Variants in GNB4 observed in about 807,000 individuals in gnomAD.
GNB4 encodes guanine nucleotide-binding protein subunit beta-4.
A neutral mutation model predicts 45.2 loss-of-function variants in GNB4; 28 were observed. That is an observed-to-expected ratio of 0.62 (90% CI 0.46 to 0.85). GNB4 has a LOEUF of 0.85. Among genes scored for constraint, GNB4 ranks in the 40% least tolerant of loss-of-function variants. The pLI is 0.00. For synonymous variants in GNB4, 132 were observed against 143.7 expected (o/e 0.92, Z 0.58); for missense variants, 321 against 425.4 (o/e 0.75, Z 2.16).
chr3:179,489,708 AC>A, the GNB4 span, among the ~76,000 whole-genome samples: 6 of 152,210 alleles, frequency 3.9e-5, no homozygotes, highest in Admixed American at 3.9e-4. Flanking sequence ...TTTTCCTGAT[AC>A]TAAATTCTAA....
At chr3:179,430,860 T>C (rs1211583451) in intron 1 of GNB4, among the ~76,000 whole-genome samples, 5 of 152,188 alleles carry the variant, frequency 3.3e-5, no homozygotes, top group African/African-American at 1.2e-4. Flanking sequence ...ATTTATAAAA[T>C]GTTCTAACAC....
chr3:179,515,602 T>C, the GNB4 span, among the ~76,000 whole-genome samples: 1 of 152,124 alleles, frequency 6.6e-6, no homozygotes, highest in Non-Finnish European at 1.5e-5. Context: ...TCTACTTCTT[T>C]TGTGATTCTT....
chr3:179,409,371 G>A (rs1714577062), intron 8 of GNB4, among the ~76,000 whole-genome samples: 1 of 151,880 alleles, frequency 6.6e-6, no homozygotes. Flanking sequence ...AATCAGCCGG[G>A]TGTGTTGGCT....
At chr3:179,471,637 T>C in the GNB4 span, among the ~76,000 whole-genome samples, 1 of 152,194 alleles carries the variant, frequency 6.6e-6, no homozygotes, top group Admixed American at 6.5e-5. Flanking sequence ...CAAAATCATC[T>C]AAGGATGCAT....
chr3:179,477,038 T>C, the GNB4 span, among the ~76,000 whole-genome samples: 2 of 152,160 alleles, frequency 1.3e-5, no homozygotes, highest in South Asian at 4.1e-4. Context: ...CTGAAGACAG[T>C]CTGCCCTTCT....
chr3:179,407,054 T>C (rs1280348303), intron 8 of GNB4, among the ~76,000 whole-genome samples: 4 of 152,230 alleles, frequency 2.6e-5, no homozygotes, highest in Admixed American at 6.5e-5. Context: ...GCAACAGTGA[T>C]TGGATTTGCT....
At chr3:179,489,837 T>C in the GNB4 span, among the ~76,000 whole-genome samples, 2 of 152,192 alleles carry the variant, frequency 1.3e-5, no homozygotes, top group African/African-American at 4.8e-5. Flanking sequence ...TTCTATGAAA[T>C]GTAGCTAGGA....
chr3:179,466,440 A>G, the GNB4 span, among the ~76,000 whole-genome samples: 5 of 152,326 alleles, frequency 3.3e-5, no homozygotes, highest in Admixed American at 2.6e-4. Flanking sequence ...TGCTCTAGGC[A>G]GCTTGAGGCA....
chr3:179,485,427 C>T, the GNB4 span, among the ~76,000 whole-genome samples: 5 of 152,172 alleles, frequency 3.3e-5, no homozygotes, highest in Non-Finnish European at 1.5e-5. Context: ...TCAAGACTAG[C>T]CCTGTACTGT....
At chr3:179,454,842 A>G (rs1186695936), upstream of GNB4, among the ~76,000 whole-genome samples, 2 of 151,634 alleles carry the variant, frequency 1.3e-5, no homozygotes, top group African/African-American at 2.4e-5. Flanking sequence ...CCCACAACAA[A>G]ATAAGTTATA....
chr3:179,509,080 G>T, the GNB4 span, among the ~76,000 whole-genome samples: 5 of 151,208 alleles, frequency 3.3e-5, no homozygotes, highest in South Asian at 1.1e-3. Flanking sequence ...TGACAGCACA[G>T]CTTGTGGCCT....
intron 1 of GNB4, among the ~76,000 whole-genome samples, chr3:179,445,699 A>G (rs534735900): frequency 6.6e-6 from 1 of 152,276 alleles, no homozygotes; most frequent in Non-Finnish European, 1.5e-5. Flanking sequence ...GCATTCATAC[A>G]GTGAAATATT....
At chr3:179,447,639 T>C (rs1199882698) in intron 1 of GNB4, among the ~76,000 whole-genome samples, 1 of 152,116 alleles carries the variant, frequency 6.6e-6, no homozygotes, top group Non-Finnish European at 1.5e-5. Context: ...ACAAACCAGT[T>C]GGGGGGCTCC....
At chr3:179,522,417 T>C in the GNB4 span, among the ~76,000 whole-genome samples, 3 of 152,308 alleles carry the variant, frequency 2.0e-5, no homozygotes, top group East Asian at 5.8e-4. Flanking sequence ...CTGCACCCAG[T>C]TGATTAAAAA....
chr3:179,431,364 C>G (rs1293255509), intron 1 of GNB4, among the ~76,000 whole-genome samples: 2 of 152,044 alleles, frequency 1.3e-5, no homozygotes, highest in African/African-American at 4.8e-5. Flanking sequence ...CGAGACCAGC[C>G]TGACCAATAT....
At chr3:179,436,773 G>A (rs1464021936) in intron 1 of GNB4, among the ~76,000 whole-genome samples, 8 of 152,082 alleles carry the variant, frequency 5.3e-5, no homozygotes, top group African/African-American at 1.4e-4. Context: ...TGTAGCATAC[G>A]GCATTAACTT....
chr3:179,508,350 G>A, the GNB4 span, among the ~76,000 whole-genome samples: 1 of 152,182 alleles, frequency 6.6e-6, no homozygotes, highest in Non-Finnish European at 1.5e-5. Context: ...ACACCACCAT[G>A]GATGACACAT....
At chr3:179,486,721 T>C in the GNB4 span, among the ~76,000 whole-genome samples, 6 of 152,166 alleles carry the variant, frequency 3.9e-5, no homozygotes, top group Admixed American at 6.5e-5. Flanking sequence ...AGCCCATTTT[T>C]AAAAACAAAA....
chr3:179,424,063 T>C (rs1715074836), intron 2 of GNB4, among the ~76,000 whole-genome samples: 1 of 152,104 alleles, frequency 6.6e-6, no homozygotes, highest in Non-Finnish European at 1.5e-5. Context: ...GGAAAGGACA[T>C]TAGTAACTAA....
Sources: gnomAD v4.1 joint callset for allele counts (sites outside exome capture counted in the v4.1 genomes callset) on GRCh38, gnomAD v4.1.1 for gene constraint, MANE v1.5 for transcripts, NCBI Gene and HGNC (gene_info 2026-07-23, HGNC 2026-07-21) for gene names.